The following XPO7 variants were observed in gnomAD, a reference collection of about 807,000 sequenced individuals.
XPO7 encodes the protein exportin-7.
Under a neutral mutation model 144.3 loss-of-function variants are expected in XPO7, and 21 were observed. That is an observed-to-expected ratio of 0.15 (90% CI 0.10 to 0.21). The LOEUF is 0.21. XPO7 is among the 10% of genes least tolerant of loss of function. XPO7 has a pLI of 1.00. For missense variants in XPO7, 808 were observed against 1,325.8 expected, an observed-to-expected ratio of 0.61 and a Z score of 6.06; for synonymous variants, 580 against 499.6, an observed-to-expected ratio of 1.16 and a Z score of -2.15.
At chr8:21,976,257 A>G (rs1812218682) in intron 6 of XPO7, 99 bp from the exon 7 acceptor site, 17 of 1,344,328 alleles carry the variant, frequency 1.3e-5, no homozygotes, top group South Asian at 4.0e-5. Context: ...GTGCTAACAT[A>G]TAGCCCTCCT....
chr8:21,924,632 G>A (rs2117235569), intron 1 of XPO7, among the ~76,000 whole-genome samples: 1 of 152,188 alleles, frequency 6.6e-6, no homozygotes, highest in South Asian at 2.1e-4. Context: ...CTGCTCTCTG[G>A]TGGGGGTGGG....
intron 1 of XPO7, among the ~76,000 whole-genome samples, chr8:21,926,498 G>A (rs915212013): frequency 1.3e-5 from 2 of 151,934 alleles, no homozygotes; most frequent in Non-Finnish European, 2.9e-5. Flanking sequence ...ATTTAAAATT[G>A]TTTGCAAAGT....
chr8:21,995,394 G>A (rs565268703), intron 20 of XPO7, 98 bp from the exon 21 acceptor site: 2 of 943,458 alleles, frequency 2.1e-6, no homozygotes, highest in South Asian at 1.6e-5. Context: ...TTAAAGAACT[G>A]TAGTTTGACA....
chr8:22,002,203 C>G lies in XPO7; in HGVS notation c.2874C>G (p.Thr958=). 6.2e-7 allele frequency: 1 copy of G among 1,613,388 alleles called. No homozygotes were observed. Among genetic ancestry groups the G allele is most frequent in the Non-Finnish European group, 8.5e-7 (1 of 1,179,634 alleles). ...TGTCACGTAGCACCAAGAAGAGGAC[C>G]ACACCCCTGAACCAGGAGAGCGACC... ...KQLSRSTKKR[T]TPLNQESDRF... The change falls in exon 25 of 28, where the codon ACC becomes ACG. Residue 958 remains threonine, a synonymous_variant. Coordinates refer to ENST00000252512, the MANE Select transcript of XPO7 (RefSeq NM_015024.5).
chr8:21,952,997 A>G lies in XPO7; in HGVS notation c.19-13860A>G, dbSNP rs537750901. Reference sequence around the variant, plus strand: ...TGAGCAGAAAGTACAGAGTTCTCACATACCCTGTTATCCGCCCCTCCCCCT... The same window carrying G: ...TGAGCAGAAAGTACAGAGTTCTCACGTACCCTGTTATCCGCCCCTCCCCCT... On this transcript the variant is annotated intron_variant, in intron 1 of 27. Transcript: ENST00000252512. Among the ~76,000 whole-genome samples, 441 of 152,204 alleles carry G rather than the reference A, an allele frequency of 2.9e-3. 1 individual carries two copies. The highest frequency in any genetic ancestry group is 0.024 in the Middle Eastern group (7 of 294).
intron 1 of XPO7, among the ~76,000 whole-genome samples, chr8:21,937,998 CTT>C (rs1362719261): frequency 6.6e-6 from 1 of 151,936 alleles, no homozygotes; most frequent in African/African-American, 2.4e-5. Context: ...TTTTTTCAAA[CTT>C]TCTGCATATA....
At chr8:21,977,633 A>G in intron 7 of XPO7, 137 bp from the exon 8 acceptor site, 1 of 760,306 alleles carries the variant, frequency 1.3e-6, no homozygotes, top group South Asian at 2.3e-5. Context: ...CTATTTGCTT[A>G]TCACTTCCAA....
intron 1 of XPO7, among the ~76,000 whole-genome samples, chr8:21,938,952 C>T (rs1310612079): frequency 6.6e-6 from 1 of 152,082 alleles, no homozygotes; most frequent in African/African-American, 2.4e-5. Context: ...AATTGCCCTT[C>T]TGTCTGAAAA....
chr8:21,984,676 G>T lies in XPO7; in HGVS notation c.1308G>T (p.Thr436=). The T allele has an allele frequency of 6.2e-7, 1 of 1,613,538 alleles. No homozygotes were observed. The highest frequency in any genetic ancestry group is 8.5e-7 in the Non-Finnish European group (1 of 1,179,758). The stretch of plus-strand genomic sequence containing the variant: ...GCCTGGAAGATCCCCTGGAGGATAC[G>T]GGGCTGGTCCAGCAGCAGTTGGACC... ...RDGLEDPLED[T]GLVQQQLDQL... is the part of the protein sequence containing the mutation. Residue 436 remains threonine (T), a synonymous_variant, in exon 12 of 28, where the codon ACG becomes ACT. Coordinates refer to ENST00000252512, the MANE Select transcript of XPO7 (RefSeq NM_015024.5).
At chr8:21,970,421 A>T in intron 4 of XPO7, 111 bp downstream of exon 4, 3 of 1,071,174 alleles carry the variant, frequency 2.8e-6, no homozygotes, top group Non-Finnish European at 3.9e-6. Context: ...CTTTTTAAAC[A>T]TGACACAAAA....
At position 21,999,690 on chromosome 8, in the gene XPO7, G is replaced by T. The variant is rs1416794843; in HGVS notation, c.2782+16G>T. ...ACTGCACTTGGTAAGCACCTGAGGT[G>T]GGTGGGTGAGTTGGTGGGTTTGTTT... is the stretch of plus-strand genomic sequence containing the variant. On this transcript the variant is annotated intron_variant, in intron 24 of 27. Transcript: ENST00000252512. The T allele has an allele frequency of 6.2e-7, 1 of 1,613,722 alleles. No homozygotes were observed. Among genetic ancestry groups the T allele is most frequent in the Admixed American group, 1.7e-5 (1 of 59,998 alleles).
chr8:21,972,294 A>T (rs1373546538), intron 5 of XPO7, among the ~76,000 whole-genome samples: 1 of 152,094 alleles, frequency 6.6e-6, no homozygotes, highest in Non-Finnish European at 1.5e-5. Context: ...CCTGGCTAAC[A>T]TGTTGAAACC....
chr8:21,980,801 G>C (rs1033552800), intron 9 of XPO7, among the ~76,000 whole-genome samples: 1 of 151,758 alleles, frequency 6.6e-6, no homozygotes, highest in African/African-American at 2.4e-5. Context: ...CTAACATTTG[G>C]TTTTTGATTT....
At chr8:21,986,974 A>T (rs551510580) in intron 13 of XPO7, among the ~76,000 whole-genome samples, 167 bp from the exon 14 acceptor site, 3 of 152,312 alleles carry the variant, frequency 2.0e-5, no homozygotes, top group Admixed American at 6.5e-5. Flanking sequence ...AAAAAGATTG[A>T]AAACTCCTGG....
intron 1 of XPO7, among the ~76,000 whole-genome samples, chr8:21,949,970 C>G (rs1293413741): frequency 6.6e-6 from 1 of 152,244 alleles, no homozygotes; most frequent in Non-Finnish European, 1.5e-5. Context: ...GGTGATCTGC[C>G]TGCCTTGGCC....
intron 1 of XPO7, among the ~76,000 whole-genome samples, chr8:21,940,519 G>C (rs937451318): frequency 6.6e-6 from 1 of 151,740 alleles, no homozygotes; most frequent in African/African-American, 2.4e-5. Context: ...ACCCAGGCTG[G>C]AGTGCGGTGG....
intron 1 of XPO7, among the ~76,000 whole-genome samples, chr8:21,946,589 A>AC (rs1053907661): frequency 1.5e-4 from 23 of 150,484 alleles, no homozygotes; most frequent in African/African-American, 3.9e-4. Context: ...AAAAAAACAA[A>AC]AAAAAAAAAC....
intron 1 of XPO7, among the ~76,000 whole-genome samples, chr8:21,946,640 ATTTT>A (rs61593432): frequency 1.6e-5 from 2 of 122,662 alleles, no homozygotes; most frequent in Non-Finnish European, 3.4e-5. Context: ...GCAAAACAGG[ATTTT>A]TTTTTTTTTT....
At position 21,961,744 on chromosome 8, in the gene XPO7, C is replaced by G. The variant is rs911740738; in HGVS notation, c.19-5113C>G. ...GTGGCAGGATCTTGGCTCACTGCAA[C>G]CTCTACCTCCTGGGTTCAAGAGATT... On this transcript the variant is annotated intron_variant, in intron 1 of 27. Transcript: ENST00000252512. Among the ~76,000 whole-genome samples, 6 of 152,258 alleles carry G rather than the reference C, an allele frequency of 3.9e-5. No homozygotes were observed. The South Asian group carries it at 1.2e-3, about 32-fold the overall frequency.
Sources: gnomAD v4.1 joint callset for allele counts (sites outside exome capture counted in the v4.1 genomes callset) on GRCh38, gnomAD v4.1.1 for gene constraint, MANE v1.5 for transcripts, NCBI Gene and HGNC (gene_info 2026-07-23, HGNC 2026-07-21) for gene names.